HTR3C: variants seen among roughly 807,000 people sequenced by gnomAD.
HTR3C encodes the protein 5-hydroxytryptamine receptor 3C, also known as 5-HT3-C.
In HTR3C, 32 loss-of-function variants were observed where a neutral mutation model predicts 40.5. The observed-to-expected ratio is 0.79, with a 90% CI of 0.60 to 1.06. The LOEUF is 1.06. Among genes scored for constraint, HTR3C ranks in the 50% least tolerant of loss-of-function variants. The pLI, the probability that HTR3C is intolerant of heterozygous loss-of-function variation, is 0.00. For missense variants in HTR3C, 523 were observed against 556.8 expected (o/e 0.94, Z 0.61); for synonymous variants, 209 against 217.1 (o/e 0.96, Z 0.33).
Position 184,056,849 on chromosome 3 carries a change from A to G in HTR3C, c.390-26A>G, listed in dbSNP as rs1723336497. ...GGAGACAAGAGCTGATTAAGCCTCCATCTCTTCCCTCCCTTCCCCAAACAG... is the reference window on the plus strand; with the variant it reads ...GGAGACAAGAGCTGATTAAGCCTCCGTCTCTTCCCTCCCTTCCCCAAACAG... On this transcript the variant is annotated intron_variant, in intron 4 of 8. Transcript: ENST00000318351. 1.9e-6 allele frequency: 3 copies of G among 1,564,592 alleles called. No individual in the cohort carries two copies. In the East Asian group the frequency reaches 6.8e-5, roughly 36 times the overall value.
rs371485766 is a variant in HTR3C, at chr3:184,060,366, C to G, written c.*14C>G. The G allele has an allele frequency of 1.1e-5, 18 of 1,614,002 alleles. No individual in the cohort carries two copies. The highest frequency in any genetic ancestry group is 8.9e-5 in the East Asian group (4 of 44,898). On this transcript the variant is annotated 3_prime_UTR_variant, in exon 9 of 9. Coordinates refer to ENST00000318351, the MANE Select transcript of HTR3C (RefSeq NM_130770.3). ...TGGAACACCTAGGCAGACATCCCCC[C>G]TCTCTGGCAAACAACAGCTTGGAGT...
chr3:184,054,470 T>G (rs1723282230), intron 1 of HTR3C, among the ~76,000 whole-genome samples: 1 of 152,154 alleles, frequency 6.6e-6, no homozygotes, highest in Non-Finnish European at 1.5e-5. Context: ...TCATACAGAT[T>G]TGGGCAAACT....
chr3:184,057,321 C>G (rs1458663756), intron 5 of HTR3C, among the ~76,000 whole-genome samples: 3 of 151,956 alleles, frequency 2.0e-5, no homozygotes, highest in Non-Finnish European at 2.9e-5. Context: ...AAAGAATTAG[C>G]CCCAGCTACT....
intron 8 of HTR3C, 48 bp downstream of exon 8, chr3:184,060,091 G>A: frequency 6.2e-7 from 1 of 1,603,220 alleles, no homozygotes; most frequent in Non-Finnish European, 8.5e-7. Context: ...ACTGGGCCCA[G>A]CACTCCTCTA....
rs151022984 is a variant in HTR3C, at chr3:184,057,021, C to T, written c.536C>T (p.Thr179Ile). 2 of 1,612,286 alleles carry T rather than the reference C, an allele frequency of 1.2e-6. No homozygotes were observed. The highest frequency in any genetic ancestry group is 4.5e-5 in the East Asian group (2 of 44,840). The change falls in exon 5 of 9, where the codon ACC (threonine) becomes ATC (isoleucine). Residue 179 changes from threonine to isoleucine, a missense_variant. Coordinates refer to ENST00000318351, the MANE Select transcript of HTR3C (RefSeq NM_130770.3). ...TTTGACCAACAGAACTGTACCTTCA[C>T]CTTCAGTTCTTTCCTCTACACAGGT... ...FPFDQQNCTF[T>I]FSSFLYTVDS...
At position 184,056,260 on chromosome 3, in the gene HTR3C, G is replaced by C; in HGVS notation, c.363G>C (p.Trp121Cys). ...NKLTVLAENL[W>C]LPDIFIVESM... ...TCACAGTATTAGCTGAAAACCTGTG[G>C]CTCCCAGACATCTTCATCGTGGAAT... is the stretch of plus-strand genomic sequence containing the variant. The change falls in exon 4 of 9, where the codon TGG becomes TGC. Residue 121 changes from tryptophan to cysteine, a missense_variant. Transcript: ENST00000318351. 2 of 1,613,230 alleles carry C rather than the reference G, an allele frequency of 1.2e-6. No homozygotes were observed.
At chr3:184,055,022 T>C (rs1723296613) in intron 2 of HTR3C, 135 bp downstream of exon 2, 2 of 879,444 alleles carry the variant, frequency 2.3e-6, no homozygotes, top group Non-Finnish European at 3.4e-6. Context: ...AGTTAGATGC[T>C]TTTCCTATGC....
Position 184,056,225 on chromosome 3 carries a change from A to G in HTR3C, c.328A>G (p.Ile110Val). 1.2e-6 allele frequency: 2 copies of G among 1,614,030 alleles called. No homozygotes were observed. The highest frequency in any genetic ancestry group is 1.3e-5 in the African/African-American group (1 of 75,040). The change falls in exon 4 of 9, where the codon ATC (isoleucine) becomes GTC (valine). Residue 110 changes from isoleucine (I) to valine (V), a missense_variant. Coordinates refer to ENST00000318351, the MANE Select transcript of HTR3C (RefSeq NM_130770.3). ...INWNPKECVG[I>V]NKLTVLAENL... ...TTGGAACCCAAAAGAGTGTGTTGGCATCAATAAACTCACAGTATTAGCTGA... is the reference window on the plus strand; with the variant it reads ...TTGGAACCCAAAAGAGTGTGTTGGCGTCAATAAACTCACAGTATTAGCTGA...
chr3:184,056,640 T>G (rs536695450), intron 4 of HTR3C, among the ~76,000 whole-genome samples: 1 of 152,150 alleles, frequency 6.6e-6, no homozygotes, highest in Non-Finnish European at 1.5e-5. Context: ...CCCAGCTACT[T>G]GGGAGGCTGA....
chr3:184,057,156 C>T, intron 5 of HTR3C, 112 bp downstream of exon 5: 2 of 741,116 alleles, frequency 2.7e-6, no homozygotes, highest in African/African-American at 1.8e-5. Flanking sequence ...GGTGGCCTAA[C>T]AAAGCTTTTT....
In HTR3C at chr3:184,055,363, C is replaced by T; in HGVS notation, c.279+7C>T. The T allele has an allele frequency of 6.3e-7, 1 of 1,586,524 alleles. No individual in the cohort carries two copies. The highest frequency in any genetic ancestry group is 8.7e-7 in the Non-Finnish European group (1 of 1,154,774). On this transcript the variant is annotated splice_region_variant and intron_variant, in intron 3 of 8. Coordinates refer to ENST00000318351, the MANE Select transcript of HTR3C (RefSeq NM_130770.3). ...ATTCCTGTGGATGGATTTGGTAAGG[C>T]AGATTCAACTATCTCCTCCCCACTT...
intron 5 of HTR3C, 51 bp from the exon 6 acceptor site, chr3:184,058,376 G>C: frequency 6.6e-7 from 1 of 1,509,810 alleles, no homozygotes; most frequent in Non-Finnish European, 8.8e-7. Flanking sequence ...AATTTCGTGG[G>C]CGGGAGGCTT....
rs984918158 is a variant in HTR3C, at chr3:184,056,915, A to G, written c.430A>G (p.Ile144Val). ...GACGCCTTCCGGTCTCACTGCCTAT[A>G]TCAGCAGTGAAGGTCGAATTAAGTA... is the stretch of plus-strand genomic sequence containing the variant. ...DQTPSGLTAY[I>V]SSEGRIKYDK... The change falls in exon 5 of 9, where the codon ATC becomes GTC. Residue 144 changes from isoleucine to valine, a missense_variant. By Grantham distance (29) the Ile-to-Val change is conservative. Transcript: ENST00000318351. The G allele has an allele frequency of 6.2e-7, 1 of 1,613,600 alleles. No individual in the cohort carries two copies. The highest frequency in any genetic ancestry group is 8.5e-7 in the Non-Finnish European group (1 of 1,179,642).
rs1560081180 is a variant in HTR3C, at chr3:184,056,909, GC to G, written c.426del (p.Tyr143IlefsTer14). 2.5e-6 allele frequency: 4 copies of G among 1,613,138 alleles called. No homozygotes were observed. In the Admixed American group the frequency reaches 6.7e-5, roughly 27 times the overall value. On this transcript the variant is annotated frameshift_variant, in exon 5 of 9. Coordinates refer to ENST00000318351, the MANE Select transcript of HTR3C (RefSeq NM_130770.3). LOFTEE classifies it high-confidence loss of function. ...GGATCAGACGCCTTCCGGTCTCACTGCCTATATCAGCAGTGAAGGTCGAATT... is the reference window on the plus strand; with the variant it reads ...GGATCAGACGCCTTCCGGTCTCACTGCTATATCAGCAGTGAAGGTCGAATT... The part of the protein sequence containing the change: ...DVDQTPSGLT[A>X]YISSEGRIKY...
chr3:184,054,077 C>G (rs1223018934), intron 1 of HTR3C, among the ~76,000 whole-genome samples: 1 of 152,116 alleles, frequency 6.6e-6, no homozygotes, highest in Non-Finnish European at 1.5e-5. Context: ...TGTGACTGAA[C>G]AAATGCTGTA....
chr3:184,058,689 G>T (rs1723381846), intron 6 of HTR3C, 102 bp downstream of exon 6: 1 of 1,319,870 alleles, frequency 7.6e-7, no homozygotes, highest in Non-Finnish European at 1.0e-6. Flanking sequence ...TCCAGGCCGG[G>T]TGCAGTGGCT....
chr3:184,056,356 G>GCCC, intron 4 of HTR3C, 70 bp downstream of exon 4: 1 of 999,648 alleles, frequency 1.0e-6, no homozygotes, highest in African/African-American at 1.6e-5. Flanking sequence ...TCAGCACAGG[G>GCCC]CATGGGGCCA....
intron 5 of HTR3C, 98 bp from the exon 6 acceptor site, chr3:184,058,316 TAAAAGGATAGAGG>T: frequency 1.2e-5 from 14 of 1,139,584 alleles, no homozygotes; most frequent in Non-Finnish European, 1.7e-5. Context: ...TACCTTGCTT[TAAAAGGATAGAGG>T]AAAATTTGGT....
intron 2 of HTR3C, 81 bp downstream of exon 2, chr3:184,054,968 T>C: frequency 7.1e-7 from 1 of 1,406,620 alleles, no homozygotes; most frequent in South Asian, 1.4e-5. Context: ...AACATGGCCC[T>C]GGCCCCGTGG....
Sources: gnomAD v4.1 joint callset for allele counts (sites outside exome capture counted in the v4.1 genomes callset) on GRCh38, gnomAD v4.1.1 for gene constraint, MANE v1.5 for transcripts, NCBI Gene and HGNC (gene_info 2026-07-23, HGNC 2026-07-21) for gene names.